EFHB: variants seen among roughly 807,000 people sequenced by gnomAD.
EFHB encodes EF-hand domain-containing family member B.
In EFHB, 91 loss-of-function variants were observed where a neutral mutation model predicts 87.2. That is an observed-to-expected ratio of 1.04 (90% CI 0.88 to 1.24). EFHB has a LOEUF of 1.24. Among genes scored for constraint, EFHB ranks in the 50% most tolerant of loss-of-function variants. The pLI, the probability that EFHB is intolerant of heterozygous loss-of-function variation, is 0.00. For missense variants in EFHB, 1,084 were observed against 998.8 expected, an observed-to-expected ratio of 1.09 and a Z score of -1.15; for synonymous variants, 325 against 333.6, an observed-to-expected ratio of 0.97 and a Z score of 0.28.
chr3:19,930,127 G>T (rs1038483269), intron 1 of EFHB, among the ~76,000 whole-genome samples: 1 of 152,128 alleles, frequency 6.6e-6, no homozygotes, highest in Non-Finnish European at 1.5e-5. Flanking sequence ...ATTAATAATC[G>T]TGAAACAGTA....
chr3:19,936,311 T>C (rs1252159184), upstream of EFHB: 10 of 566,804 alleles, frequency 1.8e-5, no homozygotes, highest in South Asian at 4.1e-5. Context: ...CATTGCACCA[T>C]TGCATGCCAG....
At chr3:19,897,428 T>G (rs1694527117) in intron 8 of EFHB, among the ~76,000 whole-genome samples, 1 of 152,068 alleles carries the variant, frequency 6.6e-6, no homozygotes, top group Non-Finnish European at 1.5e-5. Context: ...ACACCCCAAC[T>G]AGAGTTGACC....
chr3:19,933,768 A>C lies in EFHB; in HGVS notation c.251T>G (p.Met84Arg). Residue 84 changes from methionine (M) to arginine (R), a missense_variant, in exon 1 of 13, where the codon ATG (methionine) becomes AGG (arginine). By Grantham distance (91) the Met-to-Arg change is moderately conservative (BLOSUM62 -1). Coordinates refer to ENST00000295824, the MANE Select transcript of EFHB (RefSeq NM_144715.4). ...LERQNISRTV[M>R]QRGSLGVDSV... ...GTCGACTCCTAAACTACCCCTCTGC[A>C]TGACAGTCCTAGAAATATTCTGTCT... is the stretch of plus-strand genomic sequence containing the variant. The C allele has an allele frequency of 6.2e-7, 1 of 1,614,018 alleles. No homozygotes were observed. Among genetic ancestry groups the C allele is most frequent in the Non-Finnish European group, 8.5e-7 (1 of 1,179,890 alleles).
At chr3:19,924,627 G>A (rs986721558) in intron 1 of EFHB, among the ~76,000 whole-genome samples, 1 of 152,052 alleles carries the variant, frequency 6.6e-6, no homozygotes, top group African/African-American at 2.4e-5. Flanking sequence ...TTGGTCTAGG[G>A]GAAGACTCAT....
chr3:19,939,481 T>C (rs1575057690), intron 1 of EFHB, among the ~76,000 whole-genome samples: 2 of 139,150 alleles, frequency 1.4e-5, no homozygotes, highest in Non-Finnish European at 3.1e-5. Flanking sequence ...GCCTCCCGGG[T>C]TCACGCCATT....
chr3:19,912,281 G>A (rs1319738194), intron 5 of EFHB, among the ~76,000 whole-genome samples: 1 of 152,158 alleles, frequency 6.6e-6, no homozygotes, highest in Non-Finnish European at 1.5e-5. Flanking sequence ...CAGTCCAGGA[G>A]AGAGTGCCAT....
chr3:19,918,284 T>G lies in EFHB; in HGVS notation c.1125A>C (p.Leu375Phe), dbSNP rs1309292496. The change falls in exon 4 of 13, where the codon TTA (leucine) becomes TTC (phenylalanine). Residue 375 changes from leucine to phenylalanine, a missense_variant. Physicochemically the swap from Leu to Phe is conservative, Grantham distance 22. Coordinates refer to ENST00000295824, the MANE Select transcript of EFHB (RefSeq NM_144715.4). ...LGKSHDQAPG[L>F]PKGMDTTNTT... ...TATTGGTTGTGTCCATGCCTTTTGG[T>G]AATCCTGGTGCTTGATCGTGAGATT... 4.3e-6 allele frequency: 7 copies of G among 1,613,468 alleles called. No homozygotes were observed. The highest frequency in any genetic ancestry group is 5.9e-6 in the Non-Finnish European group (7 of 1,179,752).
At chr3:19,892,780 C>T (rs1694344092) in intron 9 of EFHB, among the ~76,000 whole-genome samples, 1 of 151,790 alleles carries the variant, frequency 6.6e-6, no homozygotes, top group Non-Finnish European at 1.5e-5. Flanking sequence ...ACTTGAGGCT[C>T]AGAGTTCAAG....
At chr3:19,881,537 A>G (rs1356903447) in intron 12 of EFHB, among the ~76,000 whole-genome samples, 1 of 152,152 alleles carries the variant, frequency 6.6e-6, no homozygotes, top group Non-Finnish European at 1.5e-5. Flanking sequence ...TAGGCCTTTC[A>G]GAGTGATTGA....
At chr3:19,917,654 G>T (rs182333928) in intron 4 of EFHB, among the ~76,000 whole-genome samples, 1 of 152,344 alleles carries the variant, frequency 6.6e-6, no homozygotes, top group East Asian at 1.9e-4. Flanking sequence ...TGGGTCTTCA[G>T]AGGGAAGAAT....
At position 19,933,762 on chromosome 3, in the gene EFHB, C is replaced by A; in HGVS notation, c.257G>T (p.Arg86Met). Residue 86 changes from arginine (R) to methionine (M), a missense_variant, in exon 1 of 13, where the codon AGG becomes ATG. Physicochemically the swap from Arg to Met is moderately conservative, Grantham distance 91. Coordinates refer to ENST00000295824, the MANE Select transcript of EFHB (RefSeq NM_144715.4). ...GACACTGTCGACTCCTAAACTACCC[C>A]TCTGCATGACAGTCCTAGAAATATT... is the stretch of plus-strand genomic sequence containing the variant. ...RQNISRTVMQ[R>M]GSLGVDSVSA... 6.2e-7 allele frequency: 1 copy of A among 1,614,016 alleles called. No homozygotes were observed.
rs568137773 is a variant in EFHB at position 19,896,674 on chromosome 3, C to T, written c.1725+13G>A. On this transcript the variant is annotated intron_variant, in intron 9 of 12. Transcript: ENST00000295824. ...GCCCATGCATTACCAAAAAGCTCTC[C>T]CCCATTACTGGCCTTGTCATAGTGC... 14 of 1,613,938 alleles carry T rather than the reference C, an allele frequency of 8.7e-6. No homozygotes were observed. The highest frequency in any genetic ancestry group is 6.6e-5 in the South Asian group (6 of 91,072).
upstream of EFHB, chr3:19,936,352 C>T (rs557413502): frequency 1.1e-5 from 5 of 438,588 alleles, no homozygotes; most frequent in South Asian, 3.1e-5. Context: ...AAAAAAAAGT[C>T]CAGGAGTTCA....
At chr3:19,885,935 A>T (rs1694086355) in intron 10 of EFHB, among the ~76,000 whole-genome samples, 1 of 152,228 alleles carries the variant, frequency 6.6e-6, no homozygotes, top group Non-Finnish European at 1.5e-5. Flanking sequence ...ATTTGGTATC[A>T]GAAAAATTTT....
intron 5 of EFHB, among the ~76,000 whole-genome samples, chr3:19,910,184 T>A (rs575162820): frequency 3.9e-5 from 6 of 152,040 alleles, no homozygotes; most frequent in African/African-American, 1.4e-4. Flanking sequence ...ACTTGGCTCT[T>A]GAATAGCATT....
At position 19,899,683 on chromosome 3, in the gene EFHB, T is replaced by C. The variant is rs549900957; in HGVS notation, c.1419-168A>G. On this transcript the variant is annotated intron_variant, in intron 6 of 12. Transcript: ENST00000295824. The stretch of plus-strand genomic sequence containing the variant: ...AAAGTTTTATGTGTTCATTTTTCTT[T>C]CATTTACACTAAAATAAAATAAACC... Among the ~76,000 whole-genome samples the C allele has an allele frequency of 2.0e-5, 3 of 152,342 alleles. No individual in the cohort carries two copies. In the East Asian group the frequency reaches 5.8e-4, roughly 29 times the overall value.
intron 1 of EFHB, among the ~76,000 whole-genome samples, chr3:19,939,636 G>C (rs566372685): frequency 6.6e-6 from 1 of 151,838 alleles, no homozygotes; most frequent in Admixed American, 6.6e-5. Flanking sequence ...CGCCCGCCTC[G>C]ACCTCCCAGA....
chr3:19,919,045 A>G (rs1260400497), intron 3 of EFHB, among the ~76,000 whole-genome samples: 1 of 152,022 alleles, frequency 6.6e-6, no homozygotes, highest in Non-Finnish European at 1.5e-5. Context: ...GACTTCCAAA[A>G]GTTCTCTTCA....
intron 4 of EFHB, among the ~76,000 whole-genome samples, chr3:19,915,755 AC>A (rs796804357): frequency 2.0e-3 from 248 of 123,034 alleles, no homozygotes; most frequent in African/African-American, 7.7e-3. Context: ...CCCCATTTCT[AC>A]TAAAAAAAAA....
Sources: allele counts gnomAD v4.1 joint callset (sites outside exome capture counted in the v4.1 genomes callset), GRCh38; gene constraint gnomAD v4.1.1; transcripts MANE v1.5; gene names NCBI Gene and HGNC (gene_info 2026-07-23, HGNC 2026-07-21).